Variants in PTPRQ observed in about 807,000 individuals in gnomAD.
PTPRQ encodes the protein phosphatidylinositol phosphatase PTPRQ.
PTPRQ carries 199 observed loss-of-function variants against 246.0 expected under a neutral mutation model. The observed-to-expected ratio is 0.81, with a 90% CI of 0.72 to 0.91. The LOEUF is 0.91. PTPRQ is among the 40% of genes least tolerant of loss of function. The pLI is 0.00. For synonymous variants in PTPRQ, 869 were observed against 853.2 expected, an observed-to-expected ratio of 1.02 and a Z score of -0.32; for missense variants, 2,624 against 2,528.4, an observed-to-expected ratio of 1.04 and a Z score of -0.81.
At chr12:80,495,708 G>A (rs1592581781) in intron 12 of PTPRQ, among the ~76,000 whole-genome samples, 1 of 152,140 alleles carries the variant, frequency 6.6e-6, no homozygotes, top group South Asian at 2.1e-4. Flanking sequence ...ATCAGCTGAA[G>A]TAATTCAGCT....
chr12:80,598,373 A>C (rs1006711872), intron 26 of PTPRQ, among the ~76,000 whole-genome samples: 10 of 151,978 alleles, frequency 6.6e-5, no homozygotes, highest in Non-Finnish European at 1.3e-4. Flanking sequence ...GCCAGTTATC[A>C]AAGTGTTTTA....
At chr12:80,557,343 A>G (rs1292706927) in intron 25 of PTPRQ, among the ~76,000 whole-genome samples, 1 of 151,498 alleles carries the variant, frequency 6.6e-6, no homozygotes, top group African/African-American at 2.4e-5. Flanking sequence ...TCTCTTTTGG[A>G]TATATTATAT....
chr12:80,601,773 AT>A (rs1207492769), intron 26 of PTPRQ, among the ~76,000 whole-genome samples: 9 of 151,694 alleles, frequency 5.9e-5, no homozygotes, highest in Admixed American at 5.9e-4. Flanking sequence ...TTATATTTAT[AT>A]TTTTCAAGGC....
intron 38 of PTPRQ, among the ~76,000 whole-genome samples, chr12:80,657,066 C>T (rs1163018): frequency 0.018 from 2,773 of 151,630 alleles, 71 homozygotes; most frequent in African/African-American, 0.064. Flanking sequence ...AATTTTTGTA[C>T]GGCAAAATTG....
At chr12:80,594,688 T>C (rs1314149038) in intron 26 of PTPRQ, among the ~76,000 whole-genome samples, 2 of 151,586 alleles carry the variant, frequency 1.3e-5, no homozygotes, top group East Asian at 1.9e-4. Context: ...CTAGAAATCA[T>C]TGTTAGTTCT....
Position 80,672,763 on chromosome 12 carries a change from G to T in PTPRQ, c.6603-406G>T, listed in dbSNP as rs189551042. On this transcript the variant is annotated intron_variant, in intron 42 of 44. Coordinates refer to ENST00000644991, the MANE Select transcript of PTPRQ (RefSeq NM_001145026.2). ...TTTTTCAAAATGAAACAAAGAAAATGCTATATAAGCTAAATATTCTACATT... is the reference window on the plus strand; with the variant it reads ...TTTTTCAAAATGAAACAAAGAAAATTCTATATAAGCTAAATATTCTACATT... 4.7e-3 allele frequency among the ~76,000 whole-genome samples: 721 copies of T among 152,156 alleles called. 7 individuals are homozygous for T. The highest frequency in any genetic ancestry group is 0.017 in the African/African-American group (691 of 41,534).
intron 27 of PTPRQ, among the ~76,000 whole-genome samples, chr12:80,608,642 G>A (rs1041279753): frequency 2.7e-5 from 4 of 145,798 alleles, no homozygotes; most frequent in East Asian, 2.1e-4. Flanking sequence ...TTGTGGAAGT[G>A]TAGAATTCTA....
intron 29 of PTPRQ, among the ~76,000 whole-genome samples, chr12:80,615,895 G>A (rs1592720138): frequency 1.3e-5 from 2 of 150,900 alleles, no homozygotes; most frequent in African/African-American, 4.8e-5. Context: ...CAGTGATAGG[G>A]CTGTTTAGAT....
At chr12:80,470,857 G>A (rs1893602710) in intron 7 of PTPRQ, among the ~76,000 whole-genome samples, 1 of 152,190 alleles carries the variant, frequency 6.6e-6, no homozygotes, top group Admixed American at 6.5e-5. Flanking sequence ...TTAGAAAAAA[G>A]TTGCATGAAA....
intron 6 of PTPRQ, among the ~76,000 whole-genome samples, chr12:80,468,199 A>G (rs1230646826): frequency 6.6e-6 from 1 of 152,166 alleles, no homozygotes; most frequent in Non-Finnish European, 1.5e-5. Flanking sequence ...GAATCCTCCA[A>G]ATGTAGATTA....
At chr12:80,654,703 A>AG (rs975966084) in intron 38 of PTPRQ, among the ~76,000 whole-genome samples, 12 of 151,222 alleles carry the variant, frequency 7.9e-5, no homozygotes, top group African/African-American at 2.9e-4. Context: ...CAAAAAAAAA[A>AG]AAAAAAATTA....
At chr12:80,498,971 G>T (rs1310056818) in intron 14 of PTPRQ, among the ~76,000 whole-genome samples, 2 of 151,958 alleles carry the variant, frequency 1.3e-5, no homozygotes, top group African/African-American at 2.4e-5. Flanking sequence ...AACTTTAAGT[G>T]AATATAAATT....
At chr12:80,490,911 A>G (rs1023489597) in intron 9 of PTPRQ, among the ~76,000 whole-genome samples, 12 of 151,962 alleles carry the variant, frequency 7.9e-5, no homozygotes, top group Non-Finnish European at 7.4e-5. Flanking sequence ...ACTATCATCT[A>G]ACCTAATGTC....
At chr12:80,458,653 T>C (rs1893051695) in intron 4 of PTPRQ, among the ~76,000 whole-genome samples, 2 of 152,068 alleles carry the variant, frequency 1.3e-5, no homozygotes, top group African/African-American at 4.8e-5. Context: ...TTTTACACAC[T>C]TTACCATGAG....
At chr12:80,628,961 T>G (rs1899310299) in intron 33 of PTPRQ, among the ~76,000 whole-genome samples, 1 of 152,030 alleles carries the variant, frequency 6.6e-6, no homozygotes, top group African/African-American at 2.4e-5. Flanking sequence ...CAATAGAAGT[T>G]TATTTCCTCA....
chr12:80,652,941 T>C (rs1900302569), intron 38 of PTPRQ, 107 bp downstream of exon 38: 1 of 1,197,118 alleles, frequency 8.4e-7, no homozygotes, highest in Non-Finnish European at 1.1e-6. Flanking sequence ...GTTTGAATTA[T>C]AATAATGTAT....
At chr12:80,676,620 C>T (rs112081143) in intron 43 of PTPRQ, among the ~76,000 whole-genome samples, 4,092 of 152,118 alleles carry the variant, frequency 0.027, 174 homozygotes, top group African/African-American at 0.093. Context: ...CCAACCTGGG[C>T]GACAGAGCGA....
Position 80,679,576 on chromosome 12 carries a change from A to T in PTPRQ, c.*553A>T, listed in dbSNP as rs1397076734. 6.6e-6 allele frequency: 1 copy of T among 152,028 alleles called. No individual in the cohort carries two copies. Among genetic ancestry groups the T allele is most frequent in the Non-Finnish European group, 1.5e-5 (1 of 67,996 alleles). The allele number at this position is 152,028 out of a possible 1,614,324, so 9.4% of individuals were successfully genotyped here. A position where few individuals can be genotyped will look rare whatever the true frequency, so the allele number is the denominator to read the frequency against. On this transcript the variant is annotated 3_prime_UTR_variant, in exon 45 of 45. Transcript: ENST00000644991. ...ACAGTAACCCCCTGACACTGCAGGG[A>T]TTACTTGGCCTTTATACAACACACA...
intron 26 of PTPRQ, among the ~76,000 whole-genome samples, chr12:80,589,205 CTGAACTCTGT>C (rs1897713410): frequency 6.6e-6 from 1 of 152,072 alleles, no homozygotes; most frequent in Non-Finnish European, 1.5e-5. Context: ...ATTCCTTATC[CTGAACTCTGT>C]TTACATAGAA....
Sources: allele counts gnomAD v4.1 joint callset (sites outside exome capture counted in the v4.1 genomes callset), GRCh38; gene constraint gnomAD v4.1.1; transcripts MANE v1.5; gene names NCBI Gene and HGNC (gene_info 2026-07-23, HGNC 2026-07-21).